CNTNAP2: variants seen among roughly 807,000 people sequenced by gnomAD.
CNTNAP2 encodes the protein contactin associated protein 2.
Under a neutral mutation model 155.2 loss-of-function variants are expected in CNTNAP2, and 98 were observed. That is an observed-to-expected ratio of 0.63 (90% CI 0.54 to 0.75). CNTNAP2 has a LOEUF of 0.75. CNTNAP2 is among the 30% of genes least tolerant of loss of function. The pLI is 0.00. For missense variants in CNTNAP2, 1,727 were observed against 1,688.1 expected (o/e 1.02, Z -0.40); for synonymous variants, 651 against 631.2 (o/e 1.03, Z -0.47).
intron 3 of CNTNAP2, among the ~76,000 whole-genome samples, chr7:146,965,564 T>G (rs1186660540): frequency 1.3e-5 from 2 of 151,944 alleles, no homozygotes; most frequent in Admixed American, 1.3e-4. Context: ...GAGTAAAGGT[T>G]GAAAATTTTG....
chr7:146,917,626 C>T (rs1013461579), intron 3 of CNTNAP2, among the ~76,000 whole-genome samples: 6 of 152,162 alleles, frequency 3.9e-5, no homozygotes, highest in East Asian at 1.9e-4. Flanking sequence ...AATTGTAGCT[C>T]GCACAATTCC....
intron 17 of CNTNAP2, among the ~76,000 whole-genome samples, chr7:148,159,917 A>T (rs1359315179): frequency 5.3e-5 from 8 of 151,760 alleles, no homozygotes; most frequent in Admixed American, 4.6e-4. Flanking sequence ...ATTTTTTTTT[A>T]AATCTCACAG....
intron 1 of CNTNAP2, among the ~76,000 whole-genome samples, chr7:146,310,333 G>A (rs116620797): frequency 2.0e-5 from 3 of 152,034 alleles, no homozygotes; most frequent in African/African-American, 7.2e-5. Context: ...TTCTAATATT[G>A]TATTAAGCTG....
intron 15 of CNTNAP2, among the ~76,000 whole-genome samples, chr7:148,062,036 T>A (rs796381183): frequency 0.022 from 2,035 of 91,356 alleles, 58 homozygotes; most frequent in East Asian, 0.17. Context: ...AGAGTGTGTG[T>A]GTGTGTGTGT....
intron 3 of CNTNAP2, among the ~76,000 whole-genome samples, chr7:146,986,209 A>C (rs1584767038): frequency 1.3e-5 from 2 of 152,102 alleles, no homozygotes; most frequent in South Asian, 4.2e-4. Flanking sequence ...ATGCCTTTGC[A>C]TTCTCATAGC....
chr7:146,770,059 A>C (rs528568548), intron 1 of CNTNAP2, among the ~76,000 whole-genome samples: 1 of 152,264 alleles, frequency 6.6e-6, no homozygotes, highest in African/African-American at 2.4e-5. Flanking sequence ...AGCCAGGTCT[A>C]ATGAGCAACT....
intron 4 of CNTNAP2, among the ~76,000 whole-genome samples, chr7:147,061,568 G>A (rs1000733271): frequency 1.3e-5 from 2 of 152,174 alleles, no homozygotes; most frequent in Non-Finnish European, 2.9e-5. Flanking sequence ...TGATGCATGT[G>A]TGTATACACT....
intron 1 of CNTNAP2, among the ~76,000 whole-genome samples, chr7:146,390,326 A>C (rs1446931888): frequency 6.6e-6 from 1 of 152,044 alleles, no homozygotes; most frequent in African/African-American, 2.4e-5. Context: ...ACTAGGTGCC[A>C]CATTAACTGG....
chr7:146,354,276 G>T (rs1280659011), intron 1 of CNTNAP2, among the ~76,000 whole-genome samples: 1 of 152,072 alleles, frequency 6.6e-6, no homozygotes, highest in African/African-American at 2.4e-5. Context: ...TGCCTTGCAA[G>T]GTTTTTATAA....
At chr7:148,060,179 A>G (rs1258517388) in intron 15 of CNTNAP2, among the ~76,000 whole-genome samples, 2 of 152,192 alleles carry the variant, frequency 1.3e-5, no homozygotes, top group Non-Finnish European at 2.9e-5. Flanking sequence ...ATACAGCCAC[A>G]TTGACTTTTA....
At chr7:146,928,482 C>CG (rs1490955343) in intron 3 of CNTNAP2, among the ~76,000 whole-genome samples, 3 of 152,140 alleles carry the variant, frequency 2.0e-5, no homozygotes, top group Non-Finnish European at 4.4e-5. Flanking sequence ...GGAACAGCTC[C>CG]GGTCTACAGC....
At chr7:148,104,173 T>C (rs1218699894) in intron 15 of CNTNAP2, among the ~76,000 whole-genome samples, 1 of 152,204 alleles carries the variant, frequency 6.6e-6, no homozygotes, top group Non-Finnish European at 1.5e-5. Flanking sequence ...CCCTGAGACA[T>C]GTGGACTCTG....
At chr7:147,944,109 T>G (rs1325173108) in intron 14 of CNTNAP2, among the ~76,000 whole-genome samples, 1 of 152,228 alleles carries the variant, frequency 6.6e-6, no homozygotes, top group Non-Finnish European at 1.5e-5. Context: ...GTCCTACCTT[T>G]CATTTCTAGA....
intron 14 of CNTNAP2, among the ~76,000 whole-genome samples, chr7:147,930,413 C>A (rs1388374619): frequency 6.6e-6 from 1 of 151,918 alleles, no homozygotes; most frequent in Non-Finnish European, 1.5e-5. Flanking sequence ...AAATGGCAAC[C>A]AAAAGAGAGC....
intron 1 of CNTNAP2, among the ~76,000 whole-genome samples, chr7:146,658,173 A>G (rs1001693523): frequency 2.6e-5 from 4 of 152,188 alleles, no homozygotes; most frequent in Admixed American, 6.5e-5. Context: ...CCAACTTTGC[A>G]TAGCGTCCTC....
At chr7:147,362,387 G>C (rs190140873) in intron 9 of CNTNAP2, among the ~76,000 whole-genome samples, 2 of 152,162 alleles carry the variant, frequency 1.3e-5, no homozygotes, top group African/African-American at 2.4e-5. Flanking sequence ...CTCCTGCCTC[G>C]GCCACACAAA....
intron 9 of CNTNAP2, among the ~76,000 whole-genome samples, chr7:147,387,883 C>T (rs898057657): frequency 6.6e-6 from 1 of 152,074 alleles, no homozygotes; most frequent in African/African-American, 2.4e-5. Context: ...AACTTTCACC[C>T]ACTTATTTGA....
At chr7:146,183,632 A>G (rs955308310) in intron 1 of CNTNAP2, among the ~76,000 whole-genome samples, 2 of 151,050 alleles carry the variant, frequency 1.3e-5, no homozygotes, top group East Asian at 3.9e-4. Context: ...AATAATAATA[A>G]TAATAATAAA....
At chr7:147,421,071 ATTC>A (rs1563198239) in intron 10 of CNTNAP2, among the ~76,000 whole-genome samples, 2 of 152,240 alleles carry the variant, frequency 1.3e-5, no homozygotes, top group Non-Finnish European at 2.9e-5. Flanking sequence ...TGAAATCTCT[ATTC>A]AAAGAGTTTG....
Sources: gnomAD v4.1 joint callset for allele counts (sites outside exome capture counted in the v4.1 genomes callset) on GRCh38, gnomAD v4.1.1 for gene constraint, MANE v1.5 for transcripts, NCBI Gene and HGNC (gene_info 2026-07-23, HGNC 2026-07-21) for gene names.